Variants in ENKUR observed in about 807,000 individuals in gnomAD.
ENKUR encodes enkurin, TRPC channel interacting protein.
ENKUR carries 19 observed loss-of-function variants against 27.6 expected under a neutral mutation model. That is an observed-to-expected ratio of 0.69 (90% CI 0.48 to 1.01). ENKUR has a LOEUF of 1.01. Ranked by LOEUF, ENKUR falls within the 50% of genes least tolerant of loss-of-function variation. The pLI is 0.00. For missense variants in ENKUR, 312 were observed against 310.5 expected (o/e 1.00, Z -0.04); for synonymous variants, 117 against 96.9 (o/e 1.21, Z -1.22).
intron 2 of ENKUR, among the ~76,000 whole-genome samples, chr10:25,057,634 C>T (rs1400187932): frequency 6.6e-6 from 1 of 152,148 alleles, no homozygotes; most frequent in Non-Finnish European, 1.5e-5. Flanking sequence ...AATTATCACC[C>T]TTGTACCACT....
chr10:25,001,504 C>T (rs1850189110), intron 1 of ENKUR, among the ~76,000 whole-genome samples: 1 of 151,954 alleles, frequency 6.6e-6, no homozygotes, highest in African/African-American at 2.4e-5. Context: ...TTCCATGATT[C>T]TTTGACTGCT....
intron 3 of ENKUR, 151 bp from the exon 4 acceptor site, chr10:24,990,760 T>C (rs1849909823): frequency 2.6e-6 from 2 of 767,246 alleles, no homozygotes; most frequent in East Asian, 5.7e-5. Context: ...GTGACTTTTT[T>C]CCCTCCATTG....
At chr10:25,051,784 TC>T (rs1002557195) in intron 2 of ENKUR, among the ~76,000 whole-genome samples, 2 of 152,112 alleles carry the variant, frequency 1.3e-5, no homozygotes, top group Non-Finnish European at 2.9e-5. Flanking sequence ...GAGAGAGAAG[TC>T]ACCAAGCCAT....
Position 25,016,139 on chromosome 10 carries a change from T to A in ENKUR, c.-203A>T. On this transcript the variant is annotated 5_prime_UTR_variant, in exon 1 of 6. Coordinates refer to ENST00000331161, the MANE Select transcript of ENKUR (RefSeq NM_145010.4). ...GAAAACACCCTATTTCTCTCCGGAT[T>A]GCTAAGCGTCGTTGACTGTGCGGTT... is the stretch of plus-strand genomic sequence containing the variant. 3.2e-6 allele frequency: 4 copies of A among 1,241,062 alleles called. 1 individual carries two copies. The South Asian group carries it at 1.3e-4, about 39-fold the overall frequency. 76.9% of individuals were successfully genotyped at this position (1,241,062 alleles called of 1,614,324 possible). A position where few individuals can be genotyped will look rare whatever the true frequency, so the allele number is the denominator to read the frequency against.
At chr10:25,034,636 A>G (rs758240650) in intron 2 of ENKUR, among the ~76,000 whole-genome samples, 1 of 152,234 alleles carries the variant, frequency 6.6e-6, no homozygotes, top group Non-Finnish European at 1.5e-5. Flanking sequence ...TTATAGTTAA[A>G]CAACTGCCAA....
intron 2 of ENKUR, among the ~76,000 whole-genome samples, chr10:25,034,526 CA>C (rs1257208047): frequency 6.6e-6 from 1 of 152,132 alleles, no homozygotes; most frequent in Admixed American, 6.5e-5. Context: ...GCTCAAGTAG[CA>C]GAAGTTTTCA....
At chr10:25,025,380 G>A (rs1850829159) in intron 2 of ENKUR, 1 of 1,614,204 alleles carries the variant, frequency 6.2e-7, no homozygotes, top group Non-Finnish European at 8.5e-7. Flanking sequence ...AGAAGATGGA[G>A]TACCAGGTCT....
chr10:24,984,856 G>T lies in ENKUR; in HGVS notation c.644C>A (p.Ser215Ter). 6.2e-7 allele frequency: 1 copy of T among 1,613,476 alleles called. No homozygotes were observed. The highest frequency in any genetic ancestry group is 8.5e-7 in the Non-Finnish European group (1 of 1,179,756). Residue 215 changes from serine (S) to a stop codon, truncating the protein, a stop_gained, in exon 5 of 6, where the codon TCG (serine) becomes TAG (stop). Transcript: ENST00000331161. LOFTEE classifies it high-confidence loss of function. ...EEVHKEFQSL[S>*]VFIDSIPKKI... The stretch of plus-strand genomic sequence containing the variant: ...CTTTGGTATAGAATCTATAAAGACC[G>T]AGAGGGACTGGAATTCTTTATGCAC...
At chr10:25,022,468 A>G (rs1850741104) in intron 2 of ENKUR, among the ~76,000 whole-genome samples, 1 of 152,224 alleles carries the variant, frequency 6.6e-6, no homozygotes, top group African/African-American at 2.4e-5. Context: ...TTTGTATAAT[A>G]TACCTTTCAC....
intron 4 of ENKUR, among the ~76,000 whole-genome samples, chr10:24,989,780 GAATT>G (rs1564335150): frequency 6.6e-6 from 1 of 151,974 alleles, no homozygotes; most frequent in Non-Finnish European, 1.5e-5. Flanking sequence ...AATAAACAAA[GAATT>G]AAGTATTATT....
Position 25,027,357 on chromosome 10 carries a change from C to CAAA in ENKUR, c.38-31491_38-31489dup, listed in dbSNP as rs71399946. 4.0e-3 allele frequency among the ~76,000 whole-genome samples: 195 copies of CAAA among 48,472 alleles called. 12 individuals carry two copies. The highest frequency in any genetic ancestry group is 4.8e-3 in the Non-Finnish European group (135 of 28,362). The allele number at this position is 48,472 out of a possible 152,430, so 31.8% of individuals were successfully genotyped here. The stretch of plus-strand genomic sequence containing the variant: ...GGGTGACAGAGCAAGACTCCCGTCT[C>CAAA]AAAAAAAAAAAAAAAAAAAAAAAAA... On this transcript the variant is annotated intron_variant, in intron 2 of 5. Transcript: ENST00000615958.
intron 2 of ENKUR, among the ~76,000 whole-genome samples, chr10:25,039,049 C>T (rs1005664227): frequency 2.0e-5 from 3 of 152,142 alleles, no homozygotes; most frequent in African/African-American, 7.2e-5. Flanking sequence ...TTTAGCAGAA[C>T]ATTGTTTTAA....
intron 2 of ENKUR, among the ~76,000 whole-genome samples, chr10:25,044,080 G>A (rs2130475535): frequency 6.6e-6 from 1 of 152,098 alleles, no homozygotes; most frequent in South Asian, 2.1e-4. Context: ...TCTATTGATT[G>A]ATTATTCTCT....
intron 2 of ENKUR, among the ~76,000 whole-genome samples, chr10:25,060,791 T>A (rs1036867124): frequency 5.9e-5 from 9 of 152,174 alleles, no homozygotes; most frequent in African/African-American, 1.4e-4. Flanking sequence ...CACTGCAGCC[T>A]CAAACTCCTA....
In ENKUR at chr10:24,982,572, C is replaced by T. The variant is rs1207641730; in HGVS notation, c.*1798G>A. Reference sequence around the variant, plus strand: ...GTCTCCATGTCTCTTAATTCATGCTCTCAAGAGAGAGAGAATCTGATCAGT... The same window carrying T: ...GTCTCCATGTCTCTTAATTCATGCTTTCAAGAGAGAGAGAATCTGATCAGT... On this transcript the variant is annotated 3_prime_UTR_variant, in exon 6 of 6. Transcript: ENST00000331161. The T allele has an allele frequency of 1.3e-5, 2 of 152,186 alleles. No individual in the cohort carries two copies. The highest frequency in any genetic ancestry group is 2.4e-5 in the African/African-American group (1 of 41,448). 9.4% of individuals were successfully genotyped at this position (152,186 alleles called of 1,614,324 possible). A position where few individuals can be genotyped will look rare whatever the true frequency, so the allele number is the denominator to read the frequency against.
chr10:24,994,097 A>C (rs1849986875), intron 3 of ENKUR, among the ~76,000 whole-genome samples: 1 of 152,170 alleles, frequency 6.6e-6, no homozygotes, highest in African/African-American at 2.4e-5. Flanking sequence ...GTGTCCTCTG[A>C]AAACAGCCTT....
At chr10:25,001,404 G>C (rs2132699649) in intron 1 of ENKUR, among the ~76,000 whole-genome samples, 1 of 151,412 alleles carries the variant, frequency 6.6e-6, no homozygotes, top group Non-Finnish European at 1.5e-5. Flanking sequence ...TGTGATTCTT[G>C]GATTTTTGGA....
At chr10:24,997,897 G>C (rs1445365485) in intron 2 of ENKUR, among the ~76,000 whole-genome samples, 1 of 151,796 alleles carries the variant, frequency 6.6e-6, no homozygotes, top group Non-Finnish European at 1.5e-5. Flanking sequence ...GTGGTCCTAA[G>C]GCATTGAAAG....
chr10:25,018,591 A>G (rs564969437), upstream of ENKUR, among the ~76,000 whole-genome samples: 5 of 150,468 alleles, frequency 3.3e-5, no homozygotes, highest in South Asian at 1.1e-3. Context: ...TGTGGATTGT[A>G]GTTTGCACAG....
Sources: allele counts gnomAD v4.1 joint callset (sites outside exome capture counted in the v4.1 genomes callset), GRCh38; gene constraint gnomAD v4.1.1; transcripts MANE v1.5; gene names NCBI Gene and HGNC (gene_info 2026-07-23, HGNC 2026-07-21).